Variants in DMD observed in about 807,000 individuals in gnomAD.
DMD encodes the protein mutant dystrophin.
A neutral mutation model predicts 330.1 loss-of-function variants in DMD; 63 were observed. That is an observed-to-expected ratio of 0.19 (90% CI 0.16 to 0.24). The LOEUF (loss-of-function observed/expected upper bound fraction) is 0.24. Ranked by LOEUF, DMD falls within the 10% of genes least tolerant of loss-of-function variation. The pLI is 1.00. For missense variants in DMD, 3,344 were observed against 2,684.1 expected (o/e 1.25, Z -5.43); for synonymous variants, 1,223 against 959.8 (o/e 1.27, Z -5.07).
intron 7 of DMD, among the ~76,000 whole-genome samples, chrX:32,731,155 G>C (rs1348359782): frequency 8.9e-6 from 1 of 112,215 alleles, no homozygotes; most frequent in Non-Finnish European, 1.9e-5. Context: ...GTGACGGACA[G>C]CACCTGGAAA....
intron 18 of DMD, among the ~76,000 whole-genome samples, chrX:32,514,983 T>C (rs1212614456): frequency 4.5e-5 from 5 of 111,925 alleles, no homozygotes; most frequent in Non-Finnish European, 7.5e-5. Flanking sequence ...AGATAAGAGA[T>C]GGCCAGAAGT....
intron 22 of DMD, among the ~76,000 whole-genome samples, chrX:32,469,308 C>A (rs751634017): frequency 2.7e-5 from 3 of 109,762 alleles, no homozygotes; most frequent in South Asian, 7.8e-4. Flanking sequence ...TTAGACTTCC[C>A]CTGTTCAATA....
intron 1 of DMD, among the ~76,000 whole-genome samples, chrX:33,092,181 A>T (rs912607843): frequency 6.3e-5 from 7 of 111,762 alleles, no homozygotes; most frequent in South Asian, 3.7e-4. Flanking sequence ...TCCCAAATGT[A>T]GTTGGACACA....
At position 32,808,979 on chromosome X, in the gene DMD, A is replaced by G. The variant is rs1603431723; in HGVS notation, c.649+514T>C. ...ATAAATACACTTCTGCCTATCAACTAAAGAAGCAGAAAATGAGTAACCATC... is the reference window on the plus strand; with the variant it reads ...ATAAATACACTTCTGCCTATCAACTGAAGAAGCAGAAAATGAGTAACCATC... On this transcript the variant is annotated intron_variant, in intron 7 of 78. Transcript: ENST00000357033. Among the ~76,000 whole-genome samples the G allele has an allele frequency of 2.7e-5, 3 of 112,274 alleles. No individual in the cohort carries two copies. In the East Asian group the frequency reaches 8.4e-4, roughly 31 times the overall value.
intron 57 of DMD, among the ~76,000 whole-genome samples, chrX:31,492,051 T>TA (rs1281039596): frequency 8.9e-6 from 1 of 112,074 alleles, no homozygotes; most frequent in Non-Finnish European, 1.9e-5. Context: ...GATGACTTTT[T>TA]AAAAAAGTGG....
intron 21 of DMD, among the ~76,000 whole-genome samples, chrX:32,473,522 A>T (rs2040881272): frequency 8.9e-6 from 1 of 111,792 alleles, no homozygotes; most frequent in Non-Finnish European, 1.9e-5. Flanking sequence ...TGGGATATGA[A>T]TGTCATTTCA....
chrX:32,651,125 AAATAT>A (rs775118866), intron 9 of DMD, among the ~76,000 whole-genome samples: 64 of 100,385 alleles, frequency 6.4e-4, no homozygotes, highest in South Asian at 2.4e-3. Flanking sequence ...ACTTTTAAAA[AAATAT>A]AATATAACTT....
chrX:32,540,793 A>T (rs2148934279), intron 17 of DMD, among the ~76,000 whole-genome samples: 1 of 111,963 alleles, frequency 8.9e-6, no homozygotes. Flanking sequence ...TACTGGCTGA[A>T]GTGGAATAAT....
chrX:32,155,688 T>G (rs886108861), intron 44 of DMD, among the ~76,000 whole-genome samples: 1 of 111,483 alleles, frequency 9.0e-6, no homozygotes, highest in African/African-American at 3.3e-5. Context: ...CTTAACAATT[T>G]AAAAAATACG....
chrX:32,001,283 A>G (rs1439595940), intron 44 of DMD, among the ~76,000 whole-genome samples: 3 of 111,664 alleles, frequency 2.7e-5, no homozygotes, highest in Non-Finnish European at 5.7e-5. Context: ...TCAATAAAAC[A>G]AAAAGGAATT....
At chrX:32,305,083 T>C (rs2097535614) in intron 42 of DMD, among the ~76,000 whole-genome samples, 1 of 111,747 alleles carries the variant, frequency 8.9e-6, no homozygotes, top group Admixed American at 9.5e-5. Flanking sequence ...AATACGCATA[T>C]AAACAATCGT....
chrX:32,720,355 T>C (rs751164527), intron 7 of DMD, among the ~76,000 whole-genome samples: 99 of 111,833 alleles, frequency 8.9e-4, no homozygotes, highest in Non-Finnish European at 1.6e-3. Context: ...ATGGAACACA[T>C]CTCATTGCTC....
chrX:31,201,514 A>C (rs981371967), intron 67 of DMD, among the ~76,000 whole-genome samples: 1 of 112,767 alleles, frequency 8.9e-6, no homozygotes, highest in African/African-American at 3.2e-5. Flanking sequence ...CAGAGACAGA[A>C]ATGTAACCAA....
At chrX:32,904,479 A>T (rs961497165) in intron 2 of DMD, among the ~76,000 whole-genome samples, 4 of 112,204 alleles carry the variant, frequency 3.6e-5, no homozygotes, top group African/African-American at 1.3e-4. Context: ...AAAATTCAAG[A>T]AGGTTTTGAG....
chrX:32,800,538 C>A (rs748117365), intron 7 of DMD, among the ~76,000 whole-genome samples: 1 of 111,725 alleles, frequency 9.0e-6, no homozygotes, highest in Non-Finnish European at 1.9e-5. Flanking sequence ...ATCTTATTTG[C>A]AGCCATAAGT....
At chrX:32,452,321 GT>G (rs2098333561) in intron 26 of DMD, among the ~76,000 whole-genome samples, 2 of 15,692 alleles carry the variant, frequency 1.3e-4, no homozygotes, top group African/African-American at 7.2e-4. Flanking sequence ...GAAAGTGAAA[GT>G]GAAAGTGAAA....
intron 55 of DMD, among the ~76,000 whole-genome samples, chrX:31,618,831 C>G (rs1185929026): frequency 9.0e-6 from 1 of 110,508 alleles, no homozygotes; most frequent in Admixed American, 9.7e-5. Flanking sequence ...ATGCTTAACC[C>G]ATAATTATAA....
intron 49 of DMD, 78 bp from the exon 50 acceptor site, chrX:31,820,161 T>C (rs2092721229): frequency 4.8e-6 from 4 of 829,286 alleles, no homozygotes; most frequent in Non-Finnish European, 5.4e-6. Flanking sequence ...ATCCATTTGG[T>C]GAATATATTA....
chrX:33,164,007 G>A (rs1187671959), intron 1 of DMD, among the ~76,000 whole-genome samples: 1 of 111,097 alleles, frequency 9.0e-6, no homozygotes. Flanking sequence ...CTCCAGTAAA[G>A]ACTATAGATA....
Sources: allele counts gnomAD v4.1 joint callset (sites outside exome capture counted in the v4.1 genomes callset), GRCh38; gene constraint gnomAD v4.1.1; transcripts MANE v1.5; gene names NCBI Gene and HGNC (gene_info 2026-07-23, HGNC 2026-07-21).